Variants in TEX22 observed in about 807,000 individuals in gnomAD.
The protein encoded by TEX22 is testis-expressed protein 22.
A neutral mutation model predicts 11.3 loss-of-function variants in TEX22; 16 were observed. The ratio of observed to expected loss-of-function variants is 1.42; its 90% CI spans 0.96 to 2.15. The LOEUF (loss-of-function observed/expected upper bound fraction) is 2.15, where lower values mean the gene tolerates loss of function less well. Ranked by LOEUF, TEX22 falls within the 30% of genes most tolerant of loss-of-function variation. The pLI, the probability that TEX22 is intolerant of heterozygous loss-of-function variation, is 0.00. For missense variants in TEX22, 220 were observed against 208.6 expected, an observed-to-expected ratio of 1.05 and a Z score of -0.34; for synonymous variants, 97 against 92.3, an observed-to-expected ratio of 1.05 and a Z score of -0.29.
chr14:105,410,047 A>C (rs1015961301), intron 2 of TEX22, among the ~76,000 whole-genome samples: 3 of 152,044 alleles, frequency 2.0e-5, no homozygotes, highest in Non-Finnish European at 4.4e-5. Context: ...GGGATTGCAG[A>C]TGTGAACCAT....
Position 105,411,364 on chromosome 14 carries a change from C to T in TEX22, c.151-4C>T. 2.3e-6 allele frequency: 3 copies of T among 1,331,948 alleles called. No homozygotes were observed. The highest frequency in any genetic ancestry group is 2.9e-6 in the Non-Finnish European group (3 of 1,040,534). 82.5% of individuals were successfully genotyped at this position (1,331,948 alleles called of 1,614,324 possible). A position where few individuals can be genotyped will look rare whatever the true frequency, so the allele number is the denominator to read the frequency against. ...CCTCGCCGACCCGCTGCCCTGTCCCCCAGGTGTGCGAGCCGCCGGAACGCA... is the reference window on the plus strand; with the variant it reads ...CCTCGCCGACCCGCTGCCCTGTCCCTCAGGTGTGCGAGCCGCCGGAACGCA... On this transcript the variant is annotated splice_region_variant and splice_polypyrimidine_tract_variant and intron_variant, in intron 2 of 3. Transcript: ENST00000451127.
chr14:105,407,709 T>C (rs1243866265), intron 2 of TEX22, among the ~76,000 whole-genome samples: 1 of 152,192 alleles, frequency 6.6e-6, no homozygotes, highest in Non-Finnish European at 1.5e-5. Flanking sequence ...CAGTCTTTAT[T>C]TTCTTTTTCA....
intron 2 of TEX22, among the ~76,000 whole-genome samples, chr14:105,401,389 A>G (rs1225654112): frequency 6.6e-6 from 1 of 152,168 alleles, no homozygotes; most frequent in Non-Finnish European, 1.5e-5. Context: ...TAAGAACAAA[A>G]GAAGTCGCAG....
intron 2 of TEX22, among the ~76,000 whole-genome samples, chr14:105,408,019 A>C (rs1201173329): frequency 6.6e-6 from 1 of 152,098 alleles, no homozygotes; most frequent in Non-Finnish European, 1.5e-5. Flanking sequence ...AAGAACATGG[A>C]TTCTCTATGA....
At chr14:105,404,586 CAG>C (rs1555418741) in intron 2 of TEX22, among the ~76,000 whole-genome samples, 1 of 152,138 alleles carries the variant, frequency 6.6e-6, no homozygotes, top group South Asian at 2.1e-4. Flanking sequence ...ACAAAAACCT[CAG>C]AAGCAATTTG....
intron 2 of TEX22, among the ~76,000 whole-genome samples, chr14:105,404,254 C>T (rs2081647379): frequency 6.6e-6 from 1 of 152,202 alleles, no homozygotes; most frequent in African/African-American, 2.4e-5. Context: ...ACGTGGATCT[C>T]CCCATAGGAC....
In TEX22 at chr14:105,411,432, G is replaced by T. The variant is rs1465770245; in HGVS notation, c.215G>T (p.Arg72Leu). 2 of 1,245,288 alleles carry T rather than the reference G, an allele frequency of 1.6e-6. No homozygotes were observed. The highest frequency in any genetic ancestry group is 3.4e-5 in the South Asian group (1 of 29,174). The allele number at this position is 1,245,288 out of a possible 1,614,324, so 77.1% of individuals were successfully genotyped here. A position where few individuals can be genotyped will look rare whatever the true frequency, so the allele number is the denominator to read the frequency against. The change falls in exon 3 of 4, where the codon CGG becomes CTG. Residue 72 changes from arginine to leucine, a missense_variant. By Grantham distance (102) the Arg-to-Leu change is moderately radical. Coordinates refer to ENST00000451127, the MANE Select transcript of TEX22 (RefSeq NM_001195082.2). The part of the protein sequence containing the change: ...RRWSVSIDER[R>L]RLATLGGRER... ...TGGAGCGTCAGCATCGACGAGCGCC[G>T]GCGGCTGGCCACGCTGGGCGGCCGG... is the stretch of plus-strand genomic sequence containing the variant.
At chr14:105,402,832 ATG>A (rs2081639939) in intron 2 of TEX22, among the ~76,000 whole-genome samples, 1 of 151,978 alleles carries the variant, frequency 6.6e-6, no homozygotes, top group Non-Finnish European at 1.5e-5. Flanking sequence ...ACTGAATAGC[ATG>A]TAGAGCTCCT....
chr14:105,402,715 T>C (rs186901822), intron 2 of TEX22, among the ~76,000 whole-genome samples: 2,435 of 139,512 alleles, frequency 0.017, 35 homozygotes, highest in African/African-American at 0.038. Flanking sequence ...GAGATTGCGC[T>C]ACTGCACTCC....
chr14:105,407,427 G>A (rs587696369), intron 2 of TEX22, among the ~76,000 whole-genome samples: 6 of 151,564 alleles, frequency 4.0e-5, no homozygotes, highest in South Asian at 2.1e-4. Flanking sequence ...AGAGTGCAGC[G>A]TGTGGCACCA....
chr14:105,412,835 G>T lies in TEX22; in HGVS notation c.*1002G>T. The stretch of plus-strand genomic sequence containing the variant: ...CACTCCTGGGCTCCAGGTGAGGGCA[G>T]GAGCTGGACCTGTGCGGTGGCCTGG... On this transcript the variant is annotated 3_prime_UTR_variant, in exon 4 of 4. Transcript: ENST00000451127. The surrounding 1 kb of genome is among the most constrained non-coding windows in gnomAD (Gnocchi z 5.8). 6.6e-6 allele frequency: 1 copy of T among 152,342 alleles called. No homozygotes were observed. The allele number at this position is 152,342 out of a possible 1,614,324, so 9.4% of individuals were successfully genotyped here.
At chr14:105,403,655 C>G (rs1255379349) in intron 2 of TEX22, among the ~76,000 whole-genome samples, 1 of 152,196 alleles carries the variant, frequency 6.6e-6, no homozygotes, top group Non-Finnish European at 1.5e-5. Context: ...GAACTGGGCT[C>G]ATGTGATCCT....
rs1555419434 is a variant in TEX22 at position 105,411,793 on chromosome 14, A to G, written c.413A>G (p.His138Arg). Residue 138 changes from histidine to arginine, a missense_variant, in exon 4 of 4, where the codon CAT (histidine) becomes CGT (arginine). Physicochemically the swap from His to Arg is conservative, Grantham distance 29 (BLOSUM62 0). Transcript: ENST00000451127. ...CTGGCGCGCAGTGCGCCTTTCTGGC[A>G]TAATGCGACTTTCGAGGCCTCGAGG... ...AFLARSAPFW[H>R]NATFEASRSP... The G allele has an allele frequency of 1.4e-6, 2 of 1,476,984 alleles. No individual in the cohort carries two copies. 91.5% of individuals were successfully genotyped at this position (1,476,984 alleles called of 1,614,324 possible).
At chr14:105,410,004 A>G (rs1250044979) in intron 2 of TEX22, among the ~76,000 whole-genome samples, 1 of 152,046 alleles carries the variant, frequency 6.6e-6, no homozygotes, top group Admixed American at 6.6e-5. Context: ...CCTGGCCTCA[A>G]GCGATCCTCC....
intron 2 of TEX22, among the ~76,000 whole-genome samples, chr14:105,407,287 C>T (rs782166690): frequency 2.6e-5 from 4 of 152,004 alleles, no homozygotes; most frequent in South Asian, 2.1e-4. Flanking sequence ...AGGCTGGTCT[C>T]GAACTCCTGA....
Position 105,402,882 on chromosome 14 carries a change from T to C in TEX22, c.150+3392T>C, listed in dbSNP as rs2081640189. 2.6e-5 allele frequency among the ~76,000 whole-genome samples: 4 copies of C among 152,240 alleles called. No homozygotes were observed. The Middle Eastern group carries it at 0.014, about 518-fold the overall frequency. On this transcript the variant is annotated intron_variant, in intron 2 of 3. Transcript: ENST00000451127. ...TATCATATTGGATGGGCAGATTTCA[T>C]ATGTGTGTTTTTGAGACAGGGTCTT...
At chr14:105,399,767 C>T (rs1045226309) in intron 2 of TEX22, among the ~76,000 whole-genome samples, 3 of 152,226 alleles carry the variant, frequency 2.0e-5, no homozygotes, top group Admixed American at 6.5e-5. Context: ...AGGCAACACA[C>T]TTCCCTTAGC....
intron 2 of TEX22, among the ~76,000 whole-genome samples, chr14:105,400,895 G>A (rs1005352826): frequency 2.6e-5 from 4 of 152,186 alleles, no homozygotes; most frequent in Non-Finnish European, 5.9e-5. Context: ...CAAGAAATTA[G>A]TCATCCTCAT....
At chr14:105,411,619 C>T in intron 3 of TEX22, 41 bp from the exon 4 acceptor site, 1 of 1,501,940 alleles carries the variant, frequency 6.7e-7, no homozygotes, top group Non-Finnish European at 8.9e-7. Context: ...CCGTTGTCCC[C>T]TTCCCGCCCC....
Sources: allele counts gnomAD v4.1 joint callset (sites outside exome capture counted in the v4.1 genomes callset), GRCh38; gene constraint gnomAD v4.1.1; non-coding constraint Gnocchi (gnomAD v3.1); transcripts MANE v1.5; gene names NCBI Gene and HGNC (gene_info 2026-07-23, HGNC 2026-07-21).